Variants in FAM185A observed in about 807,000 individuals in gnomAD.
FAM185A encodes the protein protein FAM185A.
In FAM185A, 21 loss-of-function variants were observed where a neutral mutation model predicts 45.7. The ratio of observed to expected loss-of-function variants is 0.46; its 90% CI spans 0.33 to 0.66. FAM185A has a LOEUF of 0.66. Ranked by LOEUF, FAM185A falls within the 30% of genes least tolerant of loss-of-function variation. FAM185A has a pLI of 0.03. For missense variants in FAM185A, 305 were observed against 485.4 expected, an observed-to-expected ratio of 0.63 and a Z score of 3.49; for synonymous variants, 117 against 194.0, an observed-to-expected ratio of 0.60 and a Z score of 3.30.
chr7:102,755,643 T>C, intron 2 of FAM185A: 1 of 590,730 alleles, frequency 1.7e-6, no homozygotes, highest in Non-Finnish European at 3.1e-6. Flanking sequence ...GCTGACTGTT[T>C]TCCTGCCTGT....
At chr7:102,758,418 C>T (rs1435006536) in intron 3 of FAM185A, among the ~76,000 whole-genome samples, 2 of 122,510 alleles carry the variant, frequency 1.6e-5, no homozygotes, top group Non-Finnish European at 3.2e-5. Context: ...AGCTTTACTG[C>T]TCTCACAGCT....
chr7:102,799,326 C>T (rs1232870305), intron 7 of FAM185A, among the ~76,000 whole-genome samples: 1 of 152,004 alleles, frequency 6.6e-6, no homozygotes, highest in African/African-American at 2.4e-5. Context: ...ACGGGAGGTC[C>T]TTGAATACTC....
intron 6 of FAM185A, among the ~76,000 whole-genome samples, chr7:102,781,547 C>T (rs556356831): frequency 2.2e-4 from 33 of 152,246 alleles, no homozygotes; most frequent in East Asian, 1.5e-3. Context: ...CCCAGGCAAA[C>T]GGTCTGGAGT....
chr7:102,828,518 C>A, the FAM185A span, among the ~76,000 whole-genome samples: 2 of 152,152 alleles, frequency 1.3e-5, no homozygotes, highest in Admixed American at 6.5e-5. Context: ...ATTAGCAAAT[C>A]TCTTACTCCT....
downstream of FAM185A, chr7:102,813,675 G>C: frequency 1.3e-6 from 1 of 780,724 alleles, no homozygotes; most frequent in Non-Finnish European, 2.1e-6. Flanking sequence ...TGAGAGTGAG[G>C]ATATGGGTAA....
the FAM185A span, among the ~76,000 whole-genome samples, chr7:102,849,022 A>G: frequency 1.3e-5 from 2 of 152,194 alleles, no homozygotes; most frequent in Admixed American, 6.5e-5. Flanking sequence ...ACCAGAGTAA[A>G]TAATTGGATT....
chr7:102,809,487 A>G, downstream of FAM185A, among the ~76,000 whole-genome samples: 1 of 152,128 alleles, frequency 6.6e-6, no homozygotes, highest in East Asian at 1.9e-4. Context: ...TGAGGTCAGG[A>G]GTTTGAGACC....
chr7:102,823,740 C>T, the FAM185A span, among the ~76,000 whole-genome samples: 1 of 152,318 alleles, frequency 6.6e-6, no homozygotes, highest in African/African-American at 2.4e-5. Context: ...AGGCTTGGCT[C>T]TTGTTTTAAC....
At chr7:102,805,207 T>C (rs879913836) in intron 7 of FAM185A, among the ~76,000 whole-genome samples, 2 of 152,104 alleles carry the variant, frequency 1.3e-5, no homozygotes, top group Non-Finnish European at 2.9e-5. Context: ...AAGAAGTCAT[T>C]GTACGAAAAA....
At chr7:102,825,258 C>T in the FAM185A span, among the ~76,000 whole-genome samples, 1 of 152,068 alleles carries the variant, frequency 6.6e-6, no homozygotes, top group African/African-American at 2.4e-5. Context: ...AGGTGGGGCC[C>T]TTAAGAGGTA....
chr7:102,759,725 T>C (rs1793996912), intron 3 of FAM185A, among the ~76,000 whole-genome samples: 1 of 152,016 alleles, frequency 6.6e-6, no homozygotes, highest in Non-Finnish European at 1.5e-5. Context: ...AATTGGGTAA[T>C]AGTAATAGAA....
chr7:102,778,081 A>G lies in FAM185A; in HGVS notation c.931+733A>G, dbSNP rs535202783. On this transcript the variant is annotated intron_variant, in intron 6 of 7. Coordinates refer to ENST00000413034, the MANE Select transcript of FAM185A (RefSeq NM_001145268.2). Reference sequence around the variant, plus strand: ...TCTGTATAAAAAAATTTTTTTAAATAGTCTAGCAGCTCTTGCATGTTGGCC... The same window carrying G: ...TCTGTATAAAAAAATTTTTTTAAATGGTCTAGCAGCTCTTGCATGTTGGCC... Among the ~76,000 whole-genome samples the G allele has an allele frequency of 7.2e-5, 11 of 152,370 alleles. No homozygotes were observed. In the East Asian group the frequency reaches 1.9e-3, roughly 27 times the overall value.
At chr7:102,763,822 A>C (rs1794235926) in intron 4 of FAM185A, among the ~76,000 whole-genome samples, 1 of 152,280 alleles carries the variant, frequency 6.6e-6, no homozygotes, top group South Asian at 2.1e-4. Flanking sequence ...CATTTGACAC[A>C]TTTATTGACC....
chr7:102,811,143 A>G (rs76779367), downstream of FAM185A, among the ~76,000 whole-genome samples: 7,137 of 152,272 alleles, frequency 0.047, 248 homozygotes, highest in East Asian at 0.12. Flanking sequence ...AATTACATAA[A>G]CATTTTCATG....
chr7:102,824,006 T>A, the FAM185A span, among the ~76,000 whole-genome samples: 2 of 152,150 alleles, frequency 1.3e-5, no homozygotes, highest in Admixed American at 1.3e-4. Flanking sequence ...AACAAGGTGA[T>A]GGAAAAGTCC....
rs147397718 is a variant in FAM185A, at chr7:102,749,263, A to T, written c.56A>T (p.Gln19Leu). 79,590 of 1,550,618 alleles carry T rather than the reference A, an allele frequency of 0.051. 2,947 individuals carry two copies. Among genetic ancestry groups the T allele is most frequent in the East Asian group, 0.2 (8,365 of 40,916 alleles). ...ELGCFRLCLR[Q>L]VRLWAGAGRW... is the part of the protein sequence containing the mutation. ...GGCTGCTTCCGTCTCTGTCTCCGTCAGGTCCGACTGTGGGCTGGCGCTGGG... is the reference window on the plus strand; with the variant it reads ...GGCTGCTTCCGTCTCTGTCTCCGTCTGGTCCGACTGTGGGCTGGCGCTGGG... The change falls in exon 1 of 8, where the codon CAG becomes CTG. Residue 19 changes from glutamine to leucine, a missense_variant. By Grantham distance (113) the Gln-to-Leu change is moderately radical. Coordinates refer to ENST00000413034, the MANE Select transcript of FAM185A (RefSeq NM_001145268.2).
intron 7 of FAM185A, among the ~76,000 whole-genome samples, chr7:102,807,679 C>T (rs964701659): frequency 4.6e-5 from 7 of 151,528 alleles, no homozygotes; most frequent in African/African-American, 1.7e-4. Context: ...TTTGGGAGGC[C>T]GAGGCGGGTG....
chr7:102,755,122 A>C, intron 2 of FAM185A: 1 of 385,220 alleles, frequency 2.6e-6, no homozygotes, highest in East Asian at 4.5e-5. Context: ...TAAAACAACA[A>C]GTGTGCGCCT....
chr7:102,821,929 T>C, the FAM185A span: 1 of 1,198,438 alleles, frequency 8.3e-7, no homozygotes, highest in South Asian at 1.5e-5. Context: ...TAAAATGAAA[T>C]GAAACTTCCT....
Sources: allele counts gnomAD v4.1 joint callset (sites outside exome capture counted in the v4.1 genomes callset), GRCh38; gene constraint gnomAD v4.1.1; transcripts MANE v1.5; gene names NCBI Gene and HGNC (gene_info 2026-07-23, HGNC 2026-07-21).